Variants in TENM2 observed in about 807,000 individuals in gnomAD.
TENM2 encodes teneurin-2.
TENM2 carries 52 observed loss-of-function variants against 245.2 expected under a neutral mutation model. The observed-to-expected ratio is 0.21, with a 90% confidence interval of 0.17 to 0.27. The LOEUF is 0.27. Among genes scored for constraint, TENM2 ranks in the 10% least tolerant of loss-of-function variants. TENM2 has a pLI of 1.00. For synonymous variants in TENM2, 1,363 were observed against 1,438.9 expected (o/e 0.95, Z 1.19); for missense variants, 3,046 against 3,666.8 (o/e 0.83, Z 4.37).
intron 13 of TENM2, among the ~76,000 whole-genome samples, chr5:168,182,569 T>C (rs1053566656): frequency 5.3e-5 from 8 of 152,196 alleles, no homozygotes; most frequent in African/African-American, 1.9e-4. Context: ...ATTCTAATTC[T>C]AAAGCCCGTG....
chr5:167,041,486 C>T, the TENM2 span, among the ~76,000 whole-genome samples: 1 of 152,146 alleles, frequency 6.6e-6, no homozygotes, highest in Admixed American at 6.5e-5. Context: ...TTCACCCTGA[C>T]CACGAAGTGT....
At chr5:167,597,391 T>C (rs902801456) in intron 2 of TENM2, among the ~76,000 whole-genome samples, 10 of 152,058 alleles carry the variant, frequency 6.6e-5, no homozygotes, top group Admixed American at 6.5e-4. Flanking sequence ...GGTCTCAAAC[T>C]CTGGACCTCA....
rs552363752 is a variant in TENM2 at position 167,824,269 on chromosome 5, T to C, written c.503-51717T>C. On this transcript the variant is annotated intron_variant, in intron 2 of 28. Transcript: ENST00000518659. The stretch of plus-strand genomic sequence containing the variant: ...CCCGGGAAGGAAAGCAAGTGTGATA[T>C]GCCTCACCCTGCCACCACCACCAAG... Among the ~76,000 whole-genome samples the C allele has an allele frequency of 7.2e-4, 110 of 152,190 alleles. 1 individual carries two copies. The highest frequency in any genetic ancestry group is 3.4e-3 in the Middle Eastern group (1 of 294).
intron 19 of TENM2, among the ~76,000 whole-genome samples, chr5:168,207,985 C>A (rs887297426): frequency 2.9e-4 from 44 of 152,192 alleles, no homozygotes; most frequent in African/African-American, 1.0e-3. Flanking sequence ...CCCATAGAAG[C>A]CTGATATCCC....
intron 2 of TENM2, among the ~76,000 whole-genome samples, chr5:167,580,077 T>A (rs1774982801): frequency 6.6e-6 from 1 of 152,238 alleles, no homozygotes; most frequent in Non-Finnish European, 1.5e-5. Flanking sequence ...AGAATCATAA[T>A]TGCCTATAGA....
At chr5:168,109,306 T>C (rs1794489753) in intron 9 of TENM2, among the ~76,000 whole-genome samples, 3 of 152,198 alleles carry the variant, frequency 2.0e-5, no homozygotes, top group Non-Finnish European at 4.4e-5. Context: ...TCACTTTTGA[T>C]AAAATAGCGT....
Position 167,351,159 on chromosome 5 carries a change from A to G in TENM2, c.227-24039A>G, listed in dbSNP as rs995313527. Among the ~76,000 whole-genome samples, 84 of 148,974 alleles carry G rather than the reference A, an allele frequency of 5.6e-4. 1 individual carries two copies. The highest frequency in any genetic ancestry group is 2.0e-4 in the Admixed American group (3 of 14,742). On this transcript the variant is annotated intron_variant, in intron 1 of 28. Transcript: ENST00000518659. The stretch of plus-strand genomic sequence containing the variant: ...TGGGATATATACATATGGATTATAT[A>G]TATATGGGATATATACATATGGGAT...
At chr5:167,445,336 T>TATATATATATATATAG (rs368881390) in intron 2 of TENM2, among the ~76,000 whole-genome samples, 1 of 77,312 alleles carries the variant, frequency 1.3e-5, no homozygotes, top group African/African-American at 5.6e-5. Flanking sequence ...TATATATATA[T>TATATATATATATATAG]AGAGAGAGAG....
the TENM2 span, among the ~76,000 whole-genome samples, chr5:167,030,352 C>T: frequency 6.6e-6 from 1 of 152,124 alleles, no homozygotes; most frequent in South Asian, 2.1e-4. Context: ...AAATTTCTGG[C>T]TTTTCTTGAA....
At chr5:167,559,441 CA>C (rs1190379118) in intron 2 of TENM2, among the ~76,000 whole-genome samples, 1 of 152,196 alleles carries the variant, frequency 6.6e-6, no homozygotes, top group African/African-American at 2.4e-5. Flanking sequence ...TAGTGGAGAT[CA>C]GTTCTCAAAC....
At chr5:168,109,251 G>A (rs1054586015) in intron 9 of TENM2, among the ~76,000 whole-genome samples, 7 of 152,190 alleles carry the variant, frequency 4.6e-5, no homozygotes, top group African/African-American at 1.4e-4. Context: ...GGTGCACTTG[G>A]TATATGCTTT....
At chr5:168,221,634 C>T (rs1763678192) in intron 23 of TENM2, among the ~76,000 whole-genome samples, 1 of 152,168 alleles carries the variant, frequency 6.6e-6, no homozygotes, top group South Asian at 2.1e-4. Context: ...TCGAATCTTC[C>T]TGGACCCATT....
chr5:167,375,087 T>G, intron 1 of TENM2, 111 bp from the exon 4 acceptor site: 1 of 1,080,374 alleles, frequency 9.3e-7, no homozygotes, highest in Non-Finnish European at 1.3e-6. Flanking sequence ...CCATGGTGAA[T>G]TTGATGTATC....
intron 2 of TENM2, among the ~76,000 whole-genome samples, chr5:167,540,609 T>A (rs541784450): frequency 6.6e-6 from 1 of 152,120 alleles, no homozygotes; most frequent in Non-Finnish European, 1.5e-5. Flanking sequence ...GTCTAAAATA[T>A]TTATTCTCTG....
chr5:167,726,135 G>A (rs1235091419), intron 2 of TENM2, among the ~76,000 whole-genome samples: 2 of 145,540 alleles, frequency 1.4e-5, no homozygotes, highest in African/African-American at 4.9e-5. Context: ...ACGCTGCACG[G>A]CATAGAGCAA....
intron 2 of TENM2, among the ~76,000 whole-genome samples, chr5:167,406,336 C>T (rs985049680): frequency 3.3e-5 from 5 of 152,116 alleles, no homozygotes; most frequent in Non-Finnish European, 7.4e-5. Flanking sequence ...TTGTATTATT[C>T]TCCACATGCA....
intron 13 of TENM2, among the ~76,000 whole-genome samples, chr5:168,179,149 A>G (rs892154418): frequency 6.6e-6 from 1 of 151,814 alleles, no homozygotes; most frequent in African/African-American, 2.4e-5. Context: ...AAAAAAAAAA[A>G]AAAAAAAGAA....
the TENM2 span, among the ~76,000 whole-genome samples, chr5:166,989,506 A>G: frequency 1.3e-5 from 2 of 151,896 alleles, no homozygotes; most frequent in African/African-American, 4.8e-5. Flanking sequence ...TTGGCCTCCC[A>G]AAGTGCTGCA....
chr5:167,926,964 A>C (rs1777817487), intron 3 of TENM2, among the ~76,000 whole-genome samples: 1 of 152,196 alleles, frequency 6.6e-6, no homozygotes, highest in South Asian at 2.1e-4. Context: ...ACTTTAATTA[A>C]AACACAACAA....
Sources: gnomAD v4.1 joint callset for allele counts (sites outside exome capture counted in the v4.1 genomes callset) on GRCh38, gnomAD v4.1.1 for gene constraint, MANE v1.5 for transcripts, NCBI Gene and HGNC (gene_info 2026-07-23, HGNC 2026-07-21) for gene names.